The following DST variants were observed in gnomAD, a reference collection of about 807,000 sequenced individuals.
DST encodes the protein dystonin.
In DST, 253 loss-of-function variants were observed where a neutral mutation model predicts 875.2. The observed-to-expected ratio is 0.29, with a 90% confidence interval of 0.26 to 0.32. The LOEUF (loss-of-function observed/expected upper bound fraction) is 0.32, where lower values mean the gene tolerates loss of function less well. DST is among the 10% of genes least tolerant of loss of function. DST has a pLI of 1.00. For missense variants in DST, 8,287 were observed against 9,111.6 expected (o/e 0.91, Z 3.68); for synonymous variants, 3,124 against 3,197.1 (o/e 0.98, Z 0.77).
At chr6:56,752,581 C>G (rs2099590654) in intron 4 of DST, among the ~76,000 whole-genome samples, 1 of 152,116 alleles carries the variant, frequency 6.6e-6, no homozygotes, top group African/African-American at 2.4e-5. Context: ...TGCATGCAGT[C>G]ATTTGAATCT....
chr6:56,784,374 G>C (rs1429889210), intron 4 of DST, among the ~76,000 whole-genome samples: 1 of 152,222 alleles, frequency 6.6e-6, no homozygotes, highest in African/African-American at 2.4e-5. Flanking sequence ...ATCAGACGCA[G>C]ATTTGGTCTT....
intron 82 of DST, among the ~76,000 whole-genome samples, chr6:56,495,899 C>T (rs1387916462): frequency 6.6e-6 from 1 of 152,088 alleles, no homozygotes; most frequent in African/African-American, 2.4e-5. Context: ...ACAACATCTA[C>T]ATGATGGTTA....
At chr6:56,691,902 A>G (rs2099232759) in intron 9 of DST, among the ~76,000 whole-genome samples, 1 of 152,214 alleles carries the variant, frequency 6.6e-6, no homozygotes, top group South Asian at 2.1e-4. Context: ...CTGCACATGA[A>G]AATCAACAGA....
At chr6:56,783,029 C>T (rs530365977) in intron 4 of DST, among the ~76,000 whole-genome samples, 3 of 152,010 alleles carry the variant, frequency 2.0e-5, no homozygotes, top group Admixed American at 6.6e-5. Flanking sequence ...TGCAGTTGAG[C>T]GGTTTTGAGT....
chr6:56,484,007 T>A (rs1029924988), intron 88 of DST: 1 of 152,180 alleles, frequency 6.6e-6, no homozygotes, highest in Non-Finnish European at 1.5e-5. Flanking sequence ...TTCAGAAGAC[T>A]TTCCAAAGCA....
Position 56,603,981 on chromosome 6 carries a change from T to C in DST, c.10647A>G (p.Glu3549=). The change falls in exon 40 of 104, where the codon GAA becomes GAG. Residue 3549 remains glutamate (E), a synonymous_variant. Coordinates refer to ENST00000680361, the MANE Select transcript of DST (RefSeq NM_001374736.1). ...ACACAGTAGAGCTTTCTAGTCCAAT[T>C]TCTTTTACAGTTTCTAAATTAGGAG... The part of the protein sequence containing the change: ...YYSPNLETVK[E]IGLESSTVWA... 1 of 1,609,590 alleles carries C rather than the reference T, an allele frequency of 6.2e-7. No homozygotes were observed. The highest frequency in any genetic ancestry group is 1.3e-5 in the African/African-American group (1 of 74,956).
chr6:56,783,371 AG>A (rs1187129655), intron 4 of DST, among the ~76,000 whole-genome samples: 5 of 152,084 alleles, frequency 3.3e-5, no homozygotes, highest in Non-Finnish European at 7.4e-5. Flanking sequence ...GTCTCCTTGT[AG>A]GTCACTCAGG....
At chr6:56,768,109 A>T (rs77251043) in intron 4 of DST, among the ~76,000 whole-genome samples, 1 of 152,200 alleles carries the variant, frequency 6.6e-6, no homozygotes, top group Non-Finnish European at 1.5e-5. Flanking sequence ...CTGAGGCAAA[A>T]GAATAACAGA....
intron 4 of DST, 56 bp downstream of exon 4, chr6:56,851,341 G>A: frequency 6.5e-7 from 1 of 1,535,722 alleles, no homozygotes; most frequent in Non-Finnish European, 8.9e-7. Flanking sequence ...GAGGTAGATG[G>A]GCGAATTTCC....
intron 55 of DST, among the ~76,000 whole-genome samples, chr6:56,564,361 GGTTTGGCT>G: frequency 6.6e-6 from 1 of 152,234 alleles, no homozygotes; most frequent in East Asian, 1.9e-4. Flanking sequence ...GTTCACTCAT[GGTTTGGCT>G]GTTTGTCTAT....
chr6:56,519,765 C>A (rs981262551), intron 69 of DST, among the ~76,000 whole-genome samples: 1 of 152,154 alleles, frequency 6.6e-6, no homozygotes, highest in Non-Finnish European at 1.5e-5. Context: ...AGCACCCCCA[C>A]CTTCTGCCAG....
chr6:56,560,667 C>G (rs993860736), intron 57 of DST, among the ~76,000 whole-genome samples: 2 of 151,884 alleles, frequency 1.3e-5, no homozygotes, highest in African/African-American at 4.8e-5. Context: ...ACTCTTGTCC[C>G]CATTAGTGAG....
chr6:56,593,756 T>C lies in DST; in HGVS notation c.12633A>G (p.Arg4211=), dbSNP rs759964682. 6.2e-6 allele frequency: 10 copies of C among 1,613,930 alleles called. No individual in the cohort carries two copies. The Admixed American group carries it at 1.5e-4, about 24-fold the overall frequency. ...CAGAAGTATCAACCTTGCCACCGTC[T>C]CTCTTGCTGCAAGATTTGGCAGCTT... ...VLEAAKSCSK[R]DGGKVDTSAT... Residue 4211 remains arginine, a synonymous_variant, in exon 48 of 104, where the codon AGA becomes AGG. Coordinates refer to ENST00000680361, the MANE Select transcript of DST (RefSeq NM_001374736.1).
chr6:56,636,172 A>G (rs1482577623), intron 23 of DST, among the ~76,000 whole-genome samples: 2 of 151,798 alleles, frequency 1.3e-5, no homozygotes, highest in Non-Finnish European at 2.9e-5. Context: ...CATTAACAGA[A>G]TACTTCAATC....
chr6:56,741,202 AAG>A (rs2099545634), intron 4 of DST, among the ~76,000 whole-genome samples: 1 of 152,164 alleles, frequency 6.6e-6, no homozygotes, highest in Non-Finnish European at 1.5e-5. Context: ...TTACTATACA[AAG>A]GTTCTTTTGA....
intron 2 of DST, among the ~76,000 whole-genome samples, chr6:56,921,832 TA>T (rs996684787): frequency 2.0e-5 from 3 of 151,540 alleles, no homozygotes; most frequent in African/African-American, 7.3e-5. Context: ...CTCCAACATA[TA>T]AAAAAGGAAG....
chr6:56,905,051 G>A (rs1238695448), intron 2 of DST, among the ~76,000 whole-genome samples: 2 of 152,178 alleles, frequency 1.3e-5, no homozygotes, highest in Non-Finnish European at 2.9e-5. Context: ...GCCTCCCAAA[G>A]TCCTGGGATT....
chr6:56,841,996 G>C (rs2153074045), intron 4 of DST, among the ~76,000 whole-genome samples: 1 of 152,184 alleles, frequency 6.6e-6, no homozygotes, highest in South Asian at 2.1e-4. Flanking sequence ...CAAGAATTTC[G>C]GTTATAAAAC....
In DST at chr6:56,489,570, C is replaced by T. The variant is rs776468461; in HGVS notation, c.20797G>A (p.Glu6933Lys). 3 of 1,613,058 alleles carry T rather than the reference C, an allele frequency of 1.9e-6. No homozygotes were observed. Among genetic ancestry groups the T allele is most frequent in the Non-Finnish European group, 2.5e-6 (3 of 1,179,418 alleles). Reference protein sequence around the residue: ...AWSKLMEWLEESEKSLDSELE... With the variant: ...AWSKLMEWLEKSEKSLDSELE... ...TCAGAATCCAAAGACTTTTCTGACT[C>T]TTCTAGCCACTCCATAAGTTTACTC... is the stretch of plus-strand genomic sequence containing the variant. The change falls in exon 86 of 104, where the codon GAG (glutamate) becomes AAG (lysine). Residue 6933 changes from glutamate to lysine, a missense_variant. Glu to Lys is a moderately conservative substitution (Grantham distance 56). Transcript: ENST00000680361.
Sources: allele counts gnomAD v4.1 joint callset (sites outside exome capture counted in the v4.1 genomes callset), GRCh38; gene constraint gnomAD v4.1.1; transcripts MANE v1.5; gene names NCBI Gene and HGNC (gene_info 2026-07-23, HGNC 2026-07-21).